Variants in IL19 observed in about 807,000 individuals in gnomAD.
The protein encoded by IL19 is interleukin 19.
A neutral mutation model predicts 19.5 loss-of-function variants in IL19; 15 were observed. The observed-to-expected ratio is 0.77, with a 90% confidence interval of 0.52 to 1.19. The LOEUF (loss-of-function observed/expected upper bound fraction) is 1.19, where lower values mean the gene tolerates loss of function less well. IL19 is among the 50% of genes most tolerant of loss of function. The pLI is 0.00. For missense variants in IL19, 199 were observed against 213.1 expected, an observed-to-expected ratio of 0.93 and a Z score of 0.41; for synonymous variants, 78 against 78.3, an observed-to-expected ratio of 1.00 and a Z score of 0.02.
intron 2 of IL19, among the ~76,000 whole-genome samples, chr1:206,812,027 T>C (rs1213861671): frequency 3.9e-5 from 6 of 152,204 alleles, no homozygotes; most frequent in African/African-American, 1.4e-4. Flanking sequence ...TACAACCACA[T>C]ATGCTAATCC....
chr1:206,786,481 G>A (rs766916603), intron 1 of IL19, among the ~76,000 whole-genome samples: 17 of 152,180 alleles, frequency 1.1e-4, no homozygotes, highest in Non-Finnish European at 2.4e-4. Context: ...GGACTACAAG[G>A]CAAGGTTCTT....
At chr1:206,839,822 C>G (rs1676938242) in intron 4 of IL19, 28 bp from the exon 5 acceptor site, 5 of 1,590,594 alleles carry the variant, frequency 3.1e-6, no homozygotes, top group Non-Finnish European at 4.3e-6. Flanking sequence ...GAAGAGGCCT[C>G]TAGTGTTTCC....
At chr1:206,799,733 G>A (rs537000841) in intron 2 of IL19, among the ~76,000 whole-genome samples, 151 of 152,288 alleles carry the variant, frequency 9.9e-4, no homozygotes, top group African/African-American at 3.5e-3. Flanking sequence ...GCTATAGCCA[G>A]GAGACCAGGG....
intron 1 of IL19, among the ~76,000 whole-genome samples, chr1:206,798,257 G>T (rs1182948486): frequency 6.6e-6 from 1 of 152,124 alleles, no homozygotes; most frequent in South Asian, 2.1e-4. Flanking sequence ...TCTTCACCTG[G>T]CCCGTTGTTC....
intron 2 of IL19, 46 bp downstream of exon 2, chr1:206,799,052 TG>T: frequency 7.8e-7 from 1 of 1,284,404 alleles, no homozygotes; most frequent in East Asian, 2.3e-5. Flanking sequence ...AGCCATTCTC[TG>T]GGACCAGAGA....
intron 2 of IL19, among the ~76,000 whole-genome samples, chr1:206,826,089 C>T (rs1295135745): frequency 6.6e-6 from 1 of 152,152 alleles, no homozygotes; most frequent in Non-Finnish European, 1.5e-5. Flanking sequence ...GTGGCCCAAA[C>T]AATCTAAAGT....
chr1:206,839,759 A>G, intron 4 of IL19, 91 bp from the exon 5 acceptor site: 3 of 1,113,376 alleles, frequency 2.7e-6, no homozygotes, highest in Non-Finnish European at 3.9e-6. Context: ...TAGTTCTCTC[A>G]TGTGTCGCTG....
At chr1:206,771,957 G>A (rs917489426) in intron 1 of IL19, among the ~76,000 whole-genome samples, 8 of 151,972 alleles carry the variant, frequency 5.3e-5, no homozygotes, top group Non-Finnish European at 1.2e-4. Context: ...TCTTCACCTC[G>A]AATCAGACAT....
intron 2 of IL19, among the ~76,000 whole-genome samples, chr1:206,826,310 G>T (rs757193615): frequency 2.0e-4 from 30 of 152,164 alleles, no homozygotes; most frequent in Admixed American, 1.1e-3. Context: ...TTGTCCCCAG[G>T]ACATGGTGGA....
At chr1:206,799,967 C>A (rs552872133) in intron 2 of IL19, among the ~76,000 whole-genome samples, 1 of 152,306 alleles carries the variant, frequency 6.6e-6, no homozygotes, top group African/African-American at 2.4e-5. Context: ...TATCTATAAG[C>A]AAGTTTGTTT....
At chr1:206,820,925 C>T (rs765314507) in intron 2 of IL19, among the ~76,000 whole-genome samples, 2 of 152,212 alleles carry the variant, frequency 1.3e-5, no homozygotes, top group Non-Finnish European at 2.9e-5. Flanking sequence ...CATGAATCCT[C>T]AAAGACTCAG....
intron 1 of IL19, among the ~76,000 whole-genome samples, chr1:206,797,067 C>T (rs964859108): frequency 2.0e-5 from 3 of 152,186 alleles, no homozygotes; most frequent in Admixed American, 6.5e-5. Context: ...CTGACTCCTT[C>T]GCTGGGGTCA....
intron 1 of IL19, among the ~76,000 whole-genome samples, chr1:206,781,969 ATGT>A (rs1675153387): frequency 4.5e-5 from 3 of 66,906 alleles, no homozygotes; most frequent in Admixed American, 2.2e-4. Flanking sequence ...ATATATGTAT[ATGT>A]TATATATACA....
intron 2 of IL19, among the ~76,000 whole-genome samples, chr1:206,799,682 A>G (rs1248251871): frequency 2.6e-5 from 4 of 152,192 alleles, no homozygotes; most frequent in Non-Finnish European, 5.9e-5. Context: ...GGAGACAGAG[A>G]CTAACAGAAC....
intron 5 of IL19, chr1:206,840,250 A>T (rs1434263743): frequency 1.5e-6 from 1 of 651,520 alleles, no homozygotes; most frequent in Admixed American, 2.1e-5. Context: ...AACTTATGTC[A>T]ACATATTCCT....
At chr1:206,773,922 A>G (rs1674927673) in intron 1 of IL19, among the ~76,000 whole-genome samples, 1 of 152,148 alleles carries the variant, frequency 6.6e-6, no homozygotes, top group African/African-American at 2.4e-5. Context: ...ATCTGTCCCA[A>G]CAGGGCAATA....
At chr1:206,839,255 C>T (rs1476791680) in intron 4 of IL19, among the ~76,000 whole-genome samples, 1 of 152,186 alleles carries the variant, frequency 6.6e-6, no homozygotes, top group Non-Finnish European at 1.5e-5. Flanking sequence ...CAAATCTCAG[C>T]CTCATTCCAA....
Position 206,779,427 on chromosome 1 carries a change from C to A in IL19, c.-149+8349C>A, listed in dbSNP as rs111803621. Among the ~76,000 whole-genome samples the A allele has an allele frequency of 2.8e-3, 426 of 152,246 alleles. 3 individuals are homozygous for A. Among genetic ancestry groups the A allele is most frequent in the African/African-American group, 9.7e-3 (402 of 41,542 alleles). ...GTTGGCCCACTGGACCCATTTTATG[C>A]ACCCTTAACTTGTCTTTTCTCATTC... On this transcript the variant is annotated intron_variant, in intron 1 of 6. Transcript: ENST00000659997.
At chr1:206,842,408 C>T (rs757630008) in intron 6 of IL19, 119 bp from the exon 7 acceptor site, 207 of 621,634 alleles carry the variant, frequency 3.3e-4, no homozygotes, top group Non-Finnish European at 5.4e-4. Context: ...AAATATATTT[C>T]GTGACAAAAA....
Sources: gnomAD v4.1 joint callset for allele counts (sites outside exome capture counted in the v4.1 genomes callset) on GRCh38, gnomAD v4.1.1 for gene constraint, MANE v1.5 for transcripts, NCBI Gene and HGNC (gene_info 2026-07-23, HGNC 2026-07-21) for gene names.